The following PTDSS2 variants were observed in gnomAD, a reference collection of about 807,000 sequenced individuals.
PTDSS2 encodes PSS-2.
Under a neutral mutation model 64.7 loss-of-function variants are expected in PTDSS2, and 41 were observed. The ratio of observed to expected loss-of-function variants is 0.63; its 90% CI spans 0.49 to 0.82. PTDSS2 has a LOEUF of 0.82. PTDSS2 is among the 40% of genes least tolerant of loss of function. PTDSS2 has a pLI of 0.00. For missense variants in PTDSS2, 485 were observed against 650.0 expected (o/e 0.75, Z 2.76); for synonymous variants, 297 against 277.8 (o/e 1.07, Z -0.69).
intron 1 of PTDSS2, chr11:451,379 C>T: frequency 2.2e-6 from 1 of 447,258 alleles, no homozygotes; most frequent in Non-Finnish European, 4.5e-6. Flanking sequence ...CTCCTACTCC[C>T]GACAGCTGCG....
At chr11:471,952 G>A (rs1335120203) in intron 2 of PTDSS2, among the ~76,000 whole-genome samples, 4 of 143,666 alleles carry the variant, frequency 2.8e-5, no homozygotes, top group Admixed American at 1.4e-4. Flanking sequence ...CGTGGATGGC[G>A]GCCTGGGGTG....
intron 4 of PTDSS2, among the ~76,000 whole-genome samples, chr11:485,014 AAAC>A (rs1293309678): frequency 2.5e-5 from 3 of 119,348 alleles, no homozygotes; most frequent in African/African-American, 6.5e-5. Context: ...AGGCGAGCGT[AAAC>A]AGTGCACGGG....
rs778335665 is a variant in PTDSS2 at position 487,055 on chromosome 11, C to T, written c.552C>T (p.Asp184=). 4.3e-6 allele frequency: 7 copies of T among 1,613,342 alleles called. No individual in the cohort carries two copies. The highest frequency in any genetic ancestry group is 5.9e-6 in the Non-Finnish European group (7 of 1,179,846). ...CLIYDPDNET[D]PFHNIWDKLD... ...TCTACGACCCAGACAATGAGACTGACCCCTTTCACAACATCTGGGTAAGAC... is the reference window on the plus strand; with the variant it reads ...TCTACGACCCAGACAATGAGACTGATCCCTTTCACAACATCTGGGTAAGAC... Residue 184 remains aspartate (D), a synonymous_variant, in exon 5 of 12, where the codon GAC becomes GAT. Coordinates refer to ENST00000308020, the MANE Select transcript of PTDSS2 (RefSeq NM_030783.3).
intron 2 of PTDSS2, among the ~76,000 whole-genome samples, chr11:464,280 GC>G: frequency 6.6e-6 from 1 of 152,270 alleles, no homozygotes; most frequent in Non-Finnish European, 1.5e-5. Flanking sequence ...ACTGCGCCCG[GC>G]CCCGTTTTGC....
At chr11:452,122 C>A (rs1481623494) in intron 1 of PTDSS2, among the ~76,000 whole-genome samples, 1 of 152,084 alleles carries the variant, frequency 6.6e-6, no homozygotes, top group African/African-American at 2.4e-5. Flanking sequence ...GAAGACCAGA[C>A]GGGCTCCTCT....
At chr11:459,964 C>T (rs1002178680) in intron 1 of PTDSS2, 19 of 540,492 alleles carry the variant, frequency 3.5e-5, no homozygotes, top group Non-Finnish European at 6.0e-5. Flanking sequence ...GGGGCTCTTC[C>T]TGTCCAGCCT....
intron 5 of PTDSS2, 95 bp downstream of exon 5, chr11:487,168 C>T: frequency 8.1e-7 from 1 of 1,233,260 alleles, no homozygotes; most frequent in Non-Finnish European, 1.2e-6. Context: ...ACCCCTCAGC[C>T]CACACTTGGG....
intron 1 of PTDSS2, among the ~76,000 whole-genome samples, chr11:458,005 G>A (rs867443717): frequency 1.3e-5 from 2 of 152,146 alleles, no homozygotes; most frequent in Admixed American, 6.5e-5. Context: ...AATTTCAGCC[G>A]TTCCAGCGGA....
chr11:451,476 G>T (rs1423663943), intron 1 of PTDSS2: 1 of 415,622 alleles, frequency 2.4e-6, no homozygotes, highest in Admixed American at 2.5e-5. Context: ...GGAGGGTTTG[G>T]CTCTTCTTGA....
At chr11:487,839 G>A (rs1173786041) in intron 6 of PTDSS2, among the ~76,000 whole-genome samples, 2 of 152,224 alleles carry the variant, frequency 1.3e-5, no homozygotes, top group African/African-American at 4.8e-5. Context: ...TTGGTGTCAG[G>A]CCCCGGGCAC....
At chr11:450,022 G>C (rs1413658559), upstream of PTDSS2, among the ~76,000 whole-genome samples, 2 of 152,190 alleles carry the variant, frequency 1.3e-5, no homozygotes, top group African/African-American at 2.4e-5. Flanking sequence ...CTGGGCTCCG[G>C]GATCCGTCGG....
intron 2 of PTDSS2, among the ~76,000 whole-genome samples, chr11:472,532 T>C (rs1564976390): frequency 6.6e-6 from 1 of 152,060 alleles, no homozygotes; most frequent in African/African-American, 2.4e-5. Context: ...CTGCCGAGGG[T>C]GAGACCCTCA....
chr11:464,979 C>T (rs984127764), intron 2 of PTDSS2, among the ~76,000 whole-genome samples: 6 of 152,208 alleles, frequency 3.9e-5, no homozygotes, highest in Admixed American at 3.9e-4. Flanking sequence ...ACCGAAATAC[C>T]GAGCCCAGAA....
chr11:454,143 C>T (rs1846476316), intron 1 of PTDSS2, among the ~76,000 whole-genome samples: 2 of 152,192 alleles, frequency 1.3e-5, no homozygotes, highest in African/African-American at 4.8e-5. Context: ...TAATACGGAC[C>T]TTACTTTCCA....
chr11:464,655 G>A (rs973754041), intron 2 of PTDSS2, among the ~76,000 whole-genome samples: 6 of 152,202 alleles, frequency 3.9e-5, no homozygotes, highest in African/African-American at 1.4e-4. Flanking sequence ...TGGGCTCACT[G>A]GGGAGCTTCC....
chr11:466,468 T>C (rs7113255), intron 2 of PTDSS2, among the ~76,000 whole-genome samples: 60,124 of 148,954 alleles, frequency 0.4, 12,558 homozygotes, highest in African/African-American at 0.5. Context: ...TGCAGTGGCA[T>C]GATCTTGGGG....
rs1019324849 is a variant in PTDSS2, at chr11:489,701, C to A, written c.1083C>A (p.Ala361=). The A allele has an allele frequency of 3.1e-6, 5 of 1,606,686 alleles. No homozygotes were observed. Among genetic ancestry groups the A allele is most frequent in the South Asian group, 1.1e-5 (1 of 89,916 alleles). Residue 361 remains alanine, a synonymous_variant, in exon 10 of 12, where the codon GCC becomes GCA. Coordinates refer to ENST00000308020, the MANE Select transcript of PTDSS2 (RefSeq NM_030783.3). ...TCTTCGTGAACGTGGGTGGCGTGGC[C>A]ATGCGTGAGATCTACGACTTCATGG... is the stretch of plus-strand genomic sequence containing the variant. ...LVFFVNVGGV[A]MREIYDFMDD... is the part of the protein sequence containing the mutation.
In PTDSS2 at chr11:490,407, T is replaced by TC. The variant is rs775456715; in HGVS notation, c.1302-10dup. The TC allele has an allele frequency of 1.2e-6, 2 of 1,612,926 alleles. No individual in the cohort carries two copies. Among genetic ancestry groups the TC allele is most frequent in the South Asian group, 1.1e-5 (1 of 91,088 alleles). On this transcript the variant is annotated splice_polypyrimidine_tract_variant and intron_variant, in intron 11 of 11. Coordinates refer to ENST00000308020, the MANE Select transcript of PTDSS2 (RefSeq NM_030783.3). ...TGTGGGGGCAGGTGGTGACGCTGCATCCCGCTCCCCAGGGACATCACATTG... is the reference window on the plus strand; with the variant it reads ...TGTGGGGGCAGGTGGTGACGCTGCATCCCCGCTCCCCAGGGACATCACATTG...
chr11:482,825 G>T lies in PTDSS2; in HGVS notation c.435+3673G>T, dbSNP rs905071791. Reference sequence around the variant, plus strand: ...GTGGAGAAGGTTCTGTGAGTTTTTCGTAGATCTCCCTACCGAGTGGAGAAG... The same window carrying T: ...GTGGAGAAGGTTCTGTGAGTTTTTCTTAGATCTCCCTACCGAGTGGAGAAG... On this transcript the variant is annotated intron_variant, in intron 4 of 11. Coordinates refer to ENST00000308020, the MANE Select transcript of PTDSS2 (RefSeq NM_030783.3). 2.4e-4 allele frequency among the ~76,000 whole-genome samples: 35 copies of T among 144,620 alleles called. 2 individuals carry two copies. The highest frequency in any genetic ancestry group is 8.8e-4 in the African/African-American group (33 of 37,440). 94.9% of individuals were successfully genotyped at this position (144,620 alleles called of 152,430 possible).
Sources: allele counts gnomAD v4.1 joint callset (sites outside exome capture counted in the v4.1 genomes callset), GRCh38; gene constraint gnomAD v4.1.1; transcripts MANE v1.5; gene names NCBI Gene and HGNC (gene_info 2026-07-23, HGNC 2026-07-21).